Variants in TCF3 observed in about 807,000 individuals in gnomAD.
TCF3 encodes the protein transcription factor 3.
TCF3 carries 54 observed loss-of-function variants against 72.3 expected under a neutral mutation model. That is an observed-to-expected ratio of 0.75 (90% confidence interval 0.60 to 0.94). The LOEUF (loss-of-function observed/expected upper bound fraction) is 0.94. TCF3 is among the 40% of genes least tolerant of loss of function. The probability of loss-of-function intolerance (pLI) is 0.00; values close to 1 mark genes in which losing one functional copy is unlikely to be tolerated. For missense variants in TCF3, 1,078 were observed against 934.4 expected, an observed-to-expected ratio of 1.15 and a Z score of -2.00; for synonymous variants, 525 against 412.6, an observed-to-expected ratio of 1.27 and a Z score of -3.30.
At chr19:1,632,831 G>A (rs1309024135) in intron 3 of TCF3, among the ~76,000 whole-genome samples, 1 of 152,212 alleles carries the variant, frequency 6.6e-6, no homozygotes, top group Non-Finnish European at 1.5e-5. Context: ...AAAGGCTCAT[G>A]ACAGCATGAG....
intron 3 of TCF3, among the ~76,000 whole-genome samples, chr19:1,638,934 G>C (rs72620503): frequency 0.05 from 7,561 of 152,316 alleles, 600 homozygotes; most frequent in East Asian, 0.41. Context: ...GCCGACCAAA[G>C]ACAGTTTTGA....
chr19:1,627,300 G>T, intron 6 of TCF3, 59 bp downstream of exon 6: 2 of 1,450,470 alleles, frequency 1.4e-6, no homozygotes, highest in Non-Finnish European at 1.9e-6. Flanking sequence ...GATCAGAGAG[G>T]GTGGGTGACA....
At chr19:1,633,918 G>A (rs1006293760) in intron 3 of TCF3, among the ~76,000 whole-genome samples, 1 of 152,202 alleles carries the variant, frequency 6.6e-6, no homozygotes, top group African/African-American at 2.4e-5. Flanking sequence ...CCACCTGCAT[G>A]TTGTCTGGTC....
intron 5 of TCF3, chr19:1,631,822 G>C: frequency 7.8e-7 from 1 of 1,277,390 alleles, no homozygotes; most frequent in East Asian, 2.6e-5. Context: ...CGCTCAGGCG[G>C]GGAAGCCTAG....
intron 18 of TCF3, among the ~76,000 whole-genome samples, chr19:1,613,455 G>A (rs1186369557): frequency 6.6e-6 from 1 of 152,170 alleles, no homozygotes; most frequent in Non-Finnish European, 1.5e-5. Context: ...GGGCCCCAGG[G>A]CAGGGCTGGG....
At chr19:1,629,755 C>T (rs531869766) in intron 5 of TCF3, among the ~76,000 whole-genome samples, 5 of 152,256 alleles carry the variant, frequency 3.3e-5, no homozygotes, top group Non-Finnish European at 5.9e-5. Flanking sequence ...GACGCGCGAT[C>T]GAGTAATGTA....
chr19:1,634,224 C>T (rs556870217), intron 3 of TCF3, among the ~76,000 whole-genome samples: 3 of 152,340 alleles, frequency 2.0e-5, no homozygotes, highest in Admixed American at 6.5e-5. Flanking sequence ...TCCCCCCCAC[C>T]GATTAATGAT....
intron 16 of TCF3, 138 bp downstream of exon 16, chr19:1,618,973 C>G: frequency 7.0e-7 from 1 of 1,424,566 alleles, no homozygotes; most frequent in South Asian, 1.3e-5. Flanking sequence ...CCTGAAGTTG[C>G]TGACTGGGGC....
chr19:1,633,674 T>G (rs1469448969), intron 3 of TCF3, among the ~76,000 whole-genome samples: 3 of 152,124 alleles, frequency 2.0e-5, no homozygotes, highest in Non-Finnish European at 4.4e-5. Context: ...CCAATGTGAT[T>G]ATGAGTGGGG....
intron 3 of TCF3, among the ~76,000 whole-genome samples, chr19:1,642,895 G>A (rs749261535): frequency 1.3e-5 from 2 of 152,202 alleles, no homozygotes; most frequent in African/African-American, 2.4e-5. Flanking sequence ...AGCAGAACGC[G>A]GAGGTGCCGT....
intron 3 of TCF3, among the ~76,000 whole-genome samples, chr19:1,638,640 T>C (rs2064805630): frequency 6.6e-6 from 1 of 152,202 alleles, no homozygotes; most frequent in African/African-American, 2.4e-5. Flanking sequence ...GCAGATGCGA[T>C]TTCACTTCGG....
intron 5 of TCF3, among the ~76,000 whole-genome samples, chr19:1,631,396 G>A (rs1297356732): frequency 6.6e-6 from 1 of 152,106 alleles, no homozygotes; most frequent in Non-Finnish European, 1.5e-5. Flanking sequence ...AGCCTCCTGA[G>A]TAGTTGGCAC....
chr19:1,651,455 T>C, intron 1 of TCF3: 1 of 225,510 alleles, frequency 4.4e-6, no homozygotes, highest in Non-Finnish European at 8.8e-6. Flanking sequence ...CTGACTTTTT[T>C]TGAGGACTAC....
At chr19:1,644,965 T>C (rs971068742) in intron 3 of TCF3, among the ~76,000 whole-genome samples, 15 of 152,092 alleles carry the variant, frequency 9.9e-5, no homozygotes, top group Non-Finnish European at 1.5e-5. Context: ...CCTGGGGCTG[T>C]TTCCGGGGGG....
At chr19:1,617,299 G>T (rs114619872) in intron 16 of TCF3, among the ~76,000 whole-genome samples, 1 of 152,186 alleles carries the variant, frequency 6.6e-6, no homozygotes, top group African/African-American at 2.4e-5. Context: ...CAGGGCCAAC[G>T]GCACACTCAC....
Position 1,642,155 on chromosome 19 carries a change from CACACACACACGCACGCGT to C in TCF3, c.145+4182_145+4199del, listed in dbSNP as rs1031207664. ...ACACACACACACACACACACACACA[CACACACACACGCACGCGT>C]ACACACACGCACGCAGACACAGACG... On this transcript the variant is annotated intron_variant, in intron 3 of 18. Transcript: ENST00000262965. Among the ~76,000 whole-genome samples the C allele has an allele frequency of 4.8e-5, 7 of 145,582 alleles. No individual in the cohort carries two copies. The South Asian group carries it at 1.2e-3, about 25-fold the overall frequency.
chr19:1,636,655 C>T (rs893382047), intron 3 of TCF3, among the ~76,000 whole-genome samples: 6 of 152,138 alleles, frequency 3.9e-5, no homozygotes, highest in South Asian at 2.1e-4. Context: ...GCCCAGCTCG[C>T]GCACTGCAGC....
intron 3 of TCF3, among the ~76,000 whole-genome samples, chr19:1,642,508 T>C (rs4807942): frequency 0.13 from 19,734 of 152,142 alleles, 1,380 homozygotes; most frequent in South Asian, 0.3. Context: ...AAAAAGTGGA[T>C]CAACTTCAAG....
intron 16 of TCF3, among the ~76,000 whole-genome samples, chr19:1,616,753 G>A (rs576355718): frequency 3.9e-5 from 6 of 152,204 alleles, no homozygotes; most frequent in Admixed American, 1.3e-4. Context: ...GTGTGACAGG[G>A]TGAGACCCTG....
Sources: gnomAD v4.1 joint callset for allele counts (sites outside exome capture counted in the v4.1 genomes callset) on GRCh38, gnomAD v4.1.1 for gene constraint, MANE v1.5 for transcripts, NCBI Gene and HGNC (gene_info 2026-07-23, HGNC 2026-07-21) for gene names.